ANKFN1: variants seen among roughly 807,000 people sequenced by gnomAD.
ANKFN1 encodes the protein ankyrin repeat and fibronectin type III domain containing 1, also known as ankyrin repeat and fibronectin type-III domain-containing protein 1.
ANKFN1 carries 74 observed loss-of-function variants against 108.7 expected under a neutral mutation model. That is an observed-to-expected ratio of 0.68 (90% CI 0.56 to 0.83). ANKFN1 has a LOEUF of 0.83. Among genes scored for constraint, ANKFN1 ranks in the 40% least tolerant of loss-of-function variants. The pLI is 0.00. For missense variants in ANKFN1, 1,505 were observed against 1,382.3 expected (o/e 1.09, Z -1.41); for synonymous variants, 547 against 516.2 (o/e 1.06, Z -0.81).
chr17:56,315,272 G>A lies in ANKFN1; in HGVS notation c.54-10949G>A, dbSNP rs374525036. On this transcript the variant is annotated intron_variant, in intron 3 of 20. Coordinates refer to ENST00000682825, the MANE Select transcript of ANKFN1 (RefSeq NM_001370326.1). Reference sequence around the variant, plus strand: ...CTCTCTCTTTCTTTAAGAATTAAATGTACTTTGAAGTTGCAAATGTCACAG... The same window carrying A: ...CTCTCTCTTTCTTTAAGAATTAAATATACTTTGAAGTTGCAAATGTCACAG... 2.0e-5 allele frequency among the ~76,000 whole-genome samples: 3 copies of A among 152,282 alleles called. No individual in the cohort carries two copies. The East Asian group carries it at 5.8e-4, about 29-fold the overall frequency.
intron 8 of ANKFN1, among the ~76,000 whole-genome samples, chr17:56,427,652 C>A (rs572760875): frequency 6.6e-6 from 1 of 152,094 alleles, no homozygotes; most frequent in African/African-American, 2.4e-5. Context: ...GGAGTCCCTG[C>A]CTTAAGTTCA....
rs2047799259 is a variant in ANKFN1 at position 56,402,731 on chromosome 17, C to T, written c.910+28017C>T. 4.0e-5 allele frequency among the ~76,000 whole-genome samples: 6 copies of T among 151,396 alleles called. 1 individual carries two copies. In the South Asian group the frequency reaches 1.3e-3, roughly 32 times the overall value. ...GTTCTGCTGTGATCTTGGTTATTTCCTTTTTTCTGCTGTGTTTGGGTTTGG... is the reference window on the plus strand; with the variant it reads ...GTTCTGCTGTGATCTTGGTTATTTCTTTTTTTCTGCTGTGTTTGGGTTTGG... On this transcript the variant is annotated intron_variant, in intron 8 of 20. Coordinates refer to ENST00000682825, the MANE Select transcript of ANKFN1 (RefSeq NM_001370326.1).
intron 4 of ANKFN1, among the ~76,000 whole-genome samples, chr17:56,086,871 C>G (rs79943903): frequency 0.081 from 12,291 of 151,250 alleles, 924 homozygotes; most frequent in Admixed American, 0.15. Flanking sequence ...AACTCCAATA[C>G]CAAGTCAAGT....
chr17:56,194,031 A>G (rs80162379), intron 1 of ANKFN1, among the ~76,000 whole-genome samples: 3,596 of 152,334 alleles, frequency 0.024, 133 homozygotes, highest in African/African-American at 0.082. Context: ...GAGGTACTCC[A>G]TGTCTTTTGT....
At chr17:56,097,073 G>A (rs565487925) in intron 4 of ANKFN1, among the ~76,000 whole-genome samples, 6 of 152,176 alleles carry the variant, frequency 3.9e-5, no homozygotes, top group Admixed American at 1.3e-4. Flanking sequence ...GAGTACAGAC[G>A]GATACATGTG....
intron 15 of ANKFN1, among the ~76,000 whole-genome samples, chr17:56,470,230 A>T (rs1205457113): frequency 1.3e-5 from 2 of 152,194 alleles, no homozygotes; most frequent in African/African-American, 4.8e-5. Flanking sequence ...GCTATGGGAA[A>T]TAATGCTGCA....
At chr17:56,140,628 T>G (rs538293892) in intron 4 of ANKFN1, among the ~76,000 whole-genome samples, 1 of 152,310 alleles carries the variant, frequency 6.6e-6, no homozygotes, top group African/African-American at 2.4e-5. Context: ...GCTCTCTGTT[T>G]CTGTTTGTTC....
chr17:56,051,947 A>C (rs1016759253), intron 4 of ANKFN1, among the ~76,000 whole-genome samples: 1 of 148,610 alleles, frequency 6.7e-6, no homozygotes, highest in Non-Finnish European at 1.5e-5. Context: ...AGAACATTCC[A>C]TGCTCATGGG....
chr17:56,418,799 TAAAA>T (rs34391024), intron 8 of ANKFN1, among the ~76,000 whole-genome samples: 1 of 138,824 alleles, frequency 7.2e-6, no homozygotes, highest in African/African-American at 2.6e-5. Context: ...CTTTCTAAGT[TAAAA>T]AAAAAAAAAA....
chr17:56,495,035 G>T (rs1404820983), intron 19 of ANKFN1, among the ~76,000 whole-genome samples: 1 of 152,130 alleles, frequency 6.6e-6, no homozygotes, highest in East Asian at 1.9e-4. Context: ...GGCAGGCCAG[G>T]CTGGGAATTC....
intron 1 of ANKFN1, among the ~76,000 whole-genome samples, chr17:56,178,870 T>A (rs1430174172): frequency 6.6e-6 from 1 of 152,224 alleles, no homozygotes; most frequent in Non-Finnish European, 1.5e-5. Context: ...GATCATAGGA[T>A]AAATGTCCCT....
intron 20 of ANKFN1, among the ~76,000 whole-genome samples, chr17:56,501,736 G>C (rs2051378709): frequency 1.3e-5 from 2 of 152,122 alleles, no homozygotes; most frequent in South Asian, 4.1e-4. Context: ...GACTGTGGAA[G>C]GATCCCTGTG....
intron 8 of ANKFN1, among the ~76,000 whole-genome samples, chr17:56,398,454 C>A (rs2047652455): frequency 6.6e-6 from 1 of 152,178 alleles, no homozygotes; most frequent in African/African-American, 2.4e-5. Flanking sequence ...GTCATAACTT[C>A]TCTGAGCTTT....
In ANKFN1 at chr17:56,295,048, C is replaced by T. The variant is rs917638012; in HGVS notation, c.54-31173C>T. 5.9e-5 allele frequency among the ~76,000 whole-genome samples: 9 copies of T among 152,286 alleles called. No homozygotes were observed. The South Asian group carries it at 1.9e-3, about 32-fold the overall frequency. ...GGTAACAAAGAAGCCAATATCTTTT[C>T]CCATTATTGACAAAGAGGAGACTGT... On this transcript the variant is annotated intron_variant, in intron 3 of 20. Transcript: ENST00000682825.
intron 4 of ANKFN1, among the ~76,000 whole-genome samples, chr17:56,114,696 G>C (rs899681154): frequency 1.3e-5 from 2 of 152,180 alleles, no homozygotes; most frequent in African/African-American, 4.8e-5. Context: ...ACATGGCAAA[G>C]GGGAATTAAG....
intron 4 of ANKFN1, among the ~76,000 whole-genome samples, chr17:56,127,552 G>A (rs1907011135): frequency 6.6e-6 from 1 of 152,116 alleles, no homozygotes; most frequent in South Asian, 2.1e-4. Context: ...GACCTCAGGT[G>A]ATCCACTCAC....
chr17:56,396,208 G>T (rs1453505814), intron 8 of ANKFN1, among the ~76,000 whole-genome samples: 1 of 152,214 alleles, frequency 6.6e-6, no homozygotes, highest in Non-Finnish European at 1.5e-5. Context: ...CAACACTTGG[G>T]AGGCCAAGGC....
chr17:56,058,892 C>T (rs979376301), intron 4 of ANKFN1, among the ~76,000 whole-genome samples: 10 of 152,174 alleles, frequency 6.6e-5, no homozygotes, highest in African/African-American at 1.9e-4. Context: ...CTGCAATAAG[C>T]ATATGTGTGC....
chr17:56,292,145 A>G (rs1273195923), intron 3 of ANKFN1, among the ~76,000 whole-genome samples: 1 of 152,264 alleles, frequency 6.6e-6, no homozygotes, highest in South Asian at 2.1e-4. Flanking sequence ...TTTCCTTTTC[A>G]TGACTGGCAT....
Sources: gnomAD v4.1 joint callset for allele counts (sites outside exome capture counted in the v4.1 genomes callset) on GRCh38, gnomAD v4.1.1 for gene constraint, MANE v1.5 for transcripts, NCBI Gene and HGNC (gene_info 2026-07-23, HGNC 2026-07-21) for gene names.